The following TTC28 variants were observed in gnomAD, a reference collection of about 807,000 sequenced individuals.
TTC28 encodes the protein tetratricopeptide repeat protein 28.
A neutral mutation model predicts 198.0 loss-of-function variants in TTC28; 61 were observed. That is an observed-to-expected ratio of 0.31 (90% CI 0.25 to 0.38). The LOEUF (loss-of-function observed/expected upper bound fraction) is 0.38. Among genes scored for constraint, TTC28 ranks in the 10% least tolerant of loss-of-function variants. The probability of loss-of-function intolerance (pLI) is 1.00; values close to 1 mark genes in which losing one functional copy is unlikely to be tolerated. For missense variants in TTC28, 2,678 were observed against 3,164.0 expected, an observed-to-expected ratio of 0.85 and a Z score of 3.69; for synonymous variants, 1,171 against 1,297.8, an observed-to-expected ratio of 0.90 and a Z score of 2.10.
At chr22:28,174,282 C>T (rs1283959138) in intron 5 of TTC28, among the ~76,000 whole-genome samples, 1 of 152,176 alleles carries the variant, frequency 6.6e-6, no homozygotes, top group Non-Finnish European at 1.5e-5. Context: ...TTTATAATGA[C>T]CCTGGTTCAG....
intron 12 of TTC28, among the ~76,000 whole-genome samples, chr22:28,067,347 T>C (rs1250541375): frequency 6.6e-6 from 1 of 152,216 alleles, no homozygotes; most frequent in African/African-American, 2.4e-5. Context: ...AGGCATGTAG[T>C]ATGCGTCTGA....
intron 5 of TTC28, among the ~76,000 whole-genome samples, chr22:28,188,770 T>G (rs995394665): frequency 2.0e-5 from 3 of 152,036 alleles, no homozygotes; most frequent in Non-Finnish European, 4.4e-5. Context: ...CCTGTGGAAA[T>G]TGGCCCAAAG....
At chr22:28,084,886 C>T (rs1028135563) in intron 12 of TTC28, among the ~76,000 whole-genome samples, 2 of 151,938 alleles carry the variant, frequency 1.3e-5, no homozygotes, top group African/African-American at 2.4e-5. Flanking sequence ...GTAGTCGATG[C>T]GATCAACTGG....
chr22:28,641,279 G>A (rs1466837837), intron 1 of TTC28, among the ~76,000 whole-genome samples: 2 of 151,154 alleles, frequency 1.3e-5, no homozygotes, highest in East Asian at 1.9e-4. Flanking sequence ...AGCCGAGATC[G>A]CACCACTACA....
intron 16 of TTC28, 85 bp from the exon 17 acceptor site, chr22:27,996,344 G>A (rs1937551860): frequency 1.1e-5 from 17 of 1,500,566 alleles, no homozygotes; most frequent in East Asian, 4.9e-5. Flanking sequence ...CTTACGCCTC[G>A]AGGTTAACCC....
At chr22:28,500,135 AATTT>A (rs758583861) in intron 2 of TTC28, among the ~76,000 whole-genome samples, 1 of 152,138 alleles carries the variant, frequency 6.6e-6, no homozygotes, top group Non-Finnish European at 1.5e-5. Flanking sequence ...CAATCAATGT[AATTT>A]ATTTATCACC....
At position 28,530,145 on chromosome 22, in the gene TTC28, G is replaced by C. The variant is rs565954199; in HGVS notation, c.381+99407C>G. On this transcript the variant is annotated intron_variant, in intron 2 of 22. Transcript: ENST00000397906. The stretch of plus-strand genomic sequence containing the variant: ...GGAGGATGTTCGAAACCACTGCAAA[G>C]AAGCTAAAAACCTTGAAAAAAGATT... Among the ~76,000 whole-genome samples the C allele has an allele frequency of 3.3e-5, 5 of 152,286 alleles. No homozygotes were observed. In the South Asian group the frequency reaches 8.3e-4, roughly 25 times the overall value.
Position 28,567,217 on chromosome 22 carries a change from G to GA in TTC28, c.381+62334dup, listed in dbSNP as rs962703897. The stretch of plus-strand genomic sequence containing the variant: ...GCGACAAGAGCAAGACTCCATCTCG[G>GA]AAAAAAAAAAAAAAAAAAAAAAGTA... On this transcript the variant is annotated intron_variant, in intron 2 of 22. Coordinates refer to ENST00000397906, the MANE Select transcript of TTC28 (RefSeq NM_001145418.2). Among the ~76,000 whole-genome samples the GA allele has an allele frequency of 4.0e-3, 333 of 82,968 alleles. 2 individuals are homozygous for GA. Among genetic ancestry groups the GA allele is most frequent in the African/African-American group, 8.3e-3 (181 of 21,916 alleles). The allele number at this position is 82,968 out of a possible 152,430, so 54.4% of individuals were successfully genotyped here. A position where few individuals can be genotyped will look rare whatever the true frequency, so the allele number is the denominator to read the frequency against.
intron 1 of TTC28, among the ~76,000 whole-genome samples, chr22:28,640,268 A>G (rs866748720): frequency 2.1e-5 from 3 of 144,858 alleles, no homozygotes; most frequent in Non-Finnish European, 4.6e-5. Flanking sequence ...TCAAAAAAAA[A>G]AGAAAAAATC....
intron 1 of TTC28, among the ~76,000 whole-genome samples, chr22:28,675,757 A>T (rs1254801272): frequency 6.6e-6 from 1 of 151,450 alleles, no homozygotes; most frequent in Non-Finnish European, 1.5e-5. Flanking sequence ...ACACACACAC[A>T]CACACACACA....
chr22:28,543,428 A>G (rs921326573), intron 2 of TTC28, among the ~76,000 whole-genome samples: 1 of 150,034 alleles, frequency 6.7e-6, no homozygotes. Context: ...AAGAGGGAGG[A>G]GGAGGAAGAG....
intron 13 of TTC28, among the ~76,000 whole-genome samples, chr22:28,024,655 T>C (rs1216162513): frequency 6.6e-6 from 1 of 152,214 alleles, no homozygotes; most frequent in Non-Finnish European, 1.5e-5. Flanking sequence ...AGATTTCATC[T>C]CTGCCACTGA....
At chr22:28,670,203 A>G (rs1160073002) in intron 1 of TTC28, among the ~76,000 whole-genome samples, 1 of 151,984 alleles carries the variant, frequency 6.6e-6, no homozygotes, top group Admixed American at 6.6e-5. Flanking sequence ...TACATTTCAC[A>G]TATCGTAAAA....
intron 14 of TTC28, among the ~76,000 whole-genome samples, chr22:28,011,826 G>A (rs902466425): frequency 3.3e-5 from 5 of 152,132 alleles, no homozygotes; most frequent in Non-Finnish European, 5.9e-5. Flanking sequence ...GCCTGCCAGC[G>A]CCAGATGACC....
intron 2 of TTC28, among the ~76,000 whole-genome samples, chr22:28,326,710 A>G (rs2045535614): frequency 6.6e-6 from 1 of 152,182 alleles, no homozygotes; most frequent in Non-Finnish European, 1.5e-5. Flanking sequence ...CATCTGCTAA[A>G]AATGTTATAA....
At chr22:28,629,901 G>T (rs2051145172) in intron 1 of TTC28, 71 bp from the exon 2 acceptor site, 7 of 1,349,814 alleles carry the variant, frequency 5.2e-6, no homozygotes, top group Admixed American at 2.4e-5. Context: ...CTAAGATTTG[G>T]ATGTCTGTCC....
At chr22:28,594,516 G>C (rs1489491347) in intron 2 of TTC28, among the ~76,000 whole-genome samples, 1 of 147,632 alleles carries the variant, frequency 6.8e-6, no homozygotes, top group African/African-American at 2.7e-5. Context: ...CCCTGGGGCA[G>C]AAAAAAAGGT....
At chr22:28,043,598 C>T (rs1234974438) in intron 12 of TTC28, among the ~76,000 whole-genome samples, 3 of 152,084 alleles carry the variant, frequency 2.0e-5, no homozygotes, top group Non-Finnish European at 4.4e-5. Flanking sequence ...ACCAGACTGC[C>T]TCCCACAGCC....
chr22:28,611,503 TAA>T (rs767583787), intron 2 of TTC28, among the ~76,000 whole-genome samples: 18,813 of 124,114 alleles, frequency 0.15, 1,462 homozygotes, highest in African/African-American at 0.21. Context: ...GCCTTTTTTT[TAA>T]TTTTTTTTTT....
Sources: allele counts gnomAD v4.1 joint callset (sites outside exome capture counted in the v4.1 genomes callset), GRCh38; gene constraint gnomAD v4.1.1; transcripts MANE v1.5; gene names NCBI Gene and HGNC (gene_info 2026-07-23, HGNC 2026-07-21).